CD40: variants seen among roughly 807,000 people sequenced by gnomAD.
The protein encoded by CD40 is tumor necrosis factor receptor superfamily member 5.
Under a neutral mutation model 38.5 loss-of-function variants are expected in CD40, and 19 were observed. The observed-to-expected ratio is 0.49, with a 90% confidence interval of 0.34 to 0.72. The LOEUF (loss-of-function observed/expected upper bound fraction) is 0.72. Among genes scored for constraint, CD40 ranks in the 30% least tolerant of loss-of-function variants. The pLI is 0.01. For missense variants in CD40, 256 were observed against 344.1 expected, an observed-to-expected ratio of 0.74 and a Z score of 2.03; for synonymous variants, 130 against 128.7, an observed-to-expected ratio of 1.01 and a Z score of -0.07.
In CD40 at chr20:46,118,331, G is replaced by C. The variant is rs200981957; in HGVS notation, c.-13G>C. On this transcript the variant is annotated 5_prime_UTR_variant, in exon 1 of 9. Transcript: ENST00000372285. ...GGGCGCCCAGTGGTCCTGCCGCCTG[G>C]TCTCACCTCGCTATGGTTCGTCTGC... 1.9e-6 allele frequency: 3 copies of C among 1,613,536 alleles called. No homozygotes were observed. The highest frequency in any genetic ancestry group is 2.5e-6 in the Non-Finnish European group (3 of 1,179,878).
At chr20:46,121,537 A>G (rs967907412) in intron 1 of CD40, among the ~76,000 whole-genome samples, 8 of 152,244 alleles carry the variant, frequency 5.3e-5, no homozygotes, top group African/African-American at 1.7e-4. Context: ...GGAATGACTC[A>G]GGCATCAAGC....
Position 46,122,443 on chromosome 20 carries a change from G to T in CD40, c.256+85G>T. Reference sequence around the variant, plus strand: ...GCCATTCTAATTTTATGTAGCCAGGGTCTGCTCTGATTGGTTGGAGTCCGG... The same window carrying T: ...GCCATTCTAATTTTATGTAGCCAGGTTCTGCTCTGATTGGTTGGAGTCCGG... On this transcript the variant is annotated intron_variant, in intron 3 of 8. Transcript: ENST00000372285. This position sits in a 1 kb window ranked among gnomAD's most constrained non-coding sequence, Gnocchi z 5.0. 6.3e-7 allele frequency: 1 copy of T among 1,599,026 alleles called. No homozygotes were observed. The highest frequency in any genetic ancestry group is 8.6e-7 in the Non-Finnish European group (1 of 1,168,146).
At chr20:46,123,921 A>C (rs573317322) in intron 5 of CD40, among the ~76,000 whole-genome samples, 1 of 152,350 alleles carries the variant, frequency 6.6e-6, no homozygotes, top group South Asian at 2.1e-4. Context: ...TCTTTCCTGC[A>C]TCGCATAGCT....
At chr20:46,119,968 A>T (rs1311228025) in intron 1 of CD40, among the ~76,000 whole-genome samples, 1 of 152,118 alleles carries the variant, frequency 6.6e-6, no homozygotes, top group Non-Finnish European at 1.5e-5. Flanking sequence ...GGTATCAAGG[A>T]CTTTCCTATC....
intron 1 of CD40, 75 bp downstream of exon 1, chr20:46,118,469 G>A (rs2085254793): frequency 1.0e-6 from 1 of 985,058 alleles, no homozygotes; most frequent in Non-Finnish European, 1.5e-6. Context: ...AGACTTCGGG[G>A]AAGAGGCCTT....
chr20:46,127,671 G>C (rs2145610980), intron 6 of CD40, among the ~76,000 whole-genome samples: 1 of 152,202 alleles, frequency 6.6e-6, no homozygotes, highest in South Asian at 2.1e-4. Context: ...AAAAAATTCG[G>C]CATGAGAAAT....
chr20:46,123,052 G>T (rs988071741), intron 4 of CD40, 74 bp from the exon 5 acceptor site: 9 of 1,173,710 alleles, frequency 7.7e-6, no homozygotes, highest in Non-Finnish European at 1.2e-5. Context: ...GTCCTGCCTG[G>T]CCACTGGCTG....
In CD40 at chr20:46,122,679, G is replaced by T; in HGVS notation, c.326G>T (p.Trp109Leu). The change falls in exon 4 of 9, where the codon TGG (tryptophan) becomes TTG (leucine). Residue 109 changes from tryptophan to leucine, a missense_variant. Transcript: ENST00000372285. The surrounding 1 kb of genome is among the most constrained non-coding windows in gnomAD (Gnocchi z 5.0). ...TDTICTCEEGWHCTSEACESC... is the reference protein window; with the variant it reads ...TDTICTCEEGLHCTSEACESC... ...ACCATCTGCACCTGTGAAGAAGGCT[G>T]GCACTGTACGAGTGAGGCCTGTGAG... 6.2e-7 allele frequency: 1 copy of T among 1,614,168 alleles called. No individual in the cohort carries two copies. Among genetic ancestry groups the T allele is most frequent in the Non-Finnish European group, 8.5e-7 (1 of 1,180,024 alleles).
chr20:46,121,947 G>T, intron 2 of CD40, 49 bp downstream of exon 2: 1 of 1,467,478 alleles, frequency 6.8e-7, no homozygotes, highest in Non-Finnish European at 9.6e-7. Flanking sequence ...CTTTGCTTTG[G>T]TGGCAGACGC....
At chr20:46,128,489 A>ATGACAGTCCCCAATT in intron 8 of CD40, 131 bp downstream of exon 8, 2 of 994,280 alleles carry the variant, frequency 2.0e-6, no homozygotes, top group Non-Finnish European at 3.1e-6. Flanking sequence ...AGAATTGGGG[A>ATGACAGTCCCCAATT]CTGTCATCCC....
chr20:46,118,551 G>C (rs568890970), intron 1 of CD40, among the ~76,000 whole-genome samples, 157 bp downstream of exon 1: 5 of 152,274 alleles, frequency 3.3e-5, no homozygotes, highest in African/African-American at 1.2e-4. Flanking sequence ...TGGCTGAATG[G>C]GGTGGGCTGC....
At chr20:46,128,272 T>A in intron 7 of CD40, 48 bp downstream of exon 7, 1 of 1,610,616 alleles carries the variant, frequency 6.2e-7, no homozygotes, top group Non-Finnish European at 8.5e-7. Flanking sequence ...GGAGACCACC[T>A]GTTTCTTATC....
At chr20:46,127,667 T>A (rs576583629) in intron 6 of CD40, among the ~76,000 whole-genome samples, 3 of 152,312 alleles carry the variant, frequency 2.0e-5, no homozygotes, top group Admixed American at 2.0e-4. Context: ...GAAAAAAAAA[T>A]TCGGCATGAG....
In CD40 at chr20:46,128,887, C is replaced by T. The variant is rs148342289; in HGVS notation, c.681C>T (p.Pro227=). The change falls in exon 9 of 9, where the codon CCC becomes CCT. Residue 227 remains proline (P), a synonymous_variant. Coordinates refer to ENST00000372285, the MANE Select transcript of CD40 (RefSeq NM_001250.6). The part of the protein sequence containing the change: ...KVAKKPTNKA[P]HPKQEPQEIN... ...CTCACACCTTGCCTCTCCAGGCCCCCCACCCCAAGCAGGAACCCCAGGAGA... is the reference window on the plus strand; with the variant it reads ...CTCACACCTTGCCTCTCCAGGCCCCTCACCCCAAGCAGGAACCCCAGGAGA... The T allele has an allele frequency of 1.2e-3, 1,890 of 1,614,060 alleles. 13 individuals carry two copies. The highest frequency in any genetic ancestry group is 3.6e-4 in the Non-Finnish European group (427 of 1,179,958).
At position 46,127,030 on chromosome 20, in the gene CD40, C is replaced by A. The variant is rs1023117469; in HGVS notation, c.559+329C>A. The A allele has an allele frequency of 1.7e-5, 7 of 402,776 alleles. No individual in the cohort carries two copies. In the East Asian group the frequency reaches 3.9e-4, roughly 22 times the overall value. 25.0% of individuals were successfully genotyped at this position (402,776 alleles called of 1,614,324 possible). A position where few individuals can be genotyped will look rare whatever the true frequency, so the allele number is the denominator to read the frequency against. On this transcript the variant is annotated intron_variant, in intron 6 of 8. Coordinates refer to ENST00000372285, the MANE Select transcript of CD40 (RefSeq NM_001250.6). ...AGAAAATTACATTCTCTTTACCTAA[C>A]GCTAAATGACCAGTTAATGGGTGCA...
At chr20:46,121,451 C>G (rs1270988419) in intron 1 of CD40, among the ~76,000 whole-genome samples, 1 of 152,124 alleles carries the variant, frequency 6.6e-6, no homozygotes, top group South Asian at 2.1e-4. Flanking sequence ...AGCACTGGGA[C>G]CAGCTGAAGT....
rs750234130 is a variant in CD40, at chr20:46,121,871, A to G, written c.103A>G (p.Ser35Gly). The G allele has an allele frequency of 1.9e-6, 3 of 1,614,042 alleles. No homozygotes were observed. The African/African-American group carries it at 4.0e-5, about 22-fold the overall frequency. Residue 35 changes from serine (S) to glycine (G), a missense_variant, in exon 2 of 9, where the codon AGT (serine) becomes GGT (glycine). Transcript: ENST00000372285. ...CAGAGAAAAACAGTACCTAATAAAC[A>G]GTCAGTGCTGTTCTTTGTGCCAGCC... ...ACREKQYLIN[S>G]QCCSLCQPGQ...
intron 5 of CD40, among the ~76,000 whole-genome samples, chr20:46,125,074 G>A (rs2085405737): frequency 6.6e-6 from 1 of 151,562 alleles, no homozygotes. Flanking sequence ...GCCACCAGTG[G>A]TATAGTATTA....
Position 46,129,112 on chromosome 20 carries a change from G to T in CD40, c.*72G>T, listed in dbSNP as rs752657781. On this transcript the variant is annotated 3_prime_UTR_variant, in exon 9 of 9. Coordinates refer to ENST00000372285, the MANE Select transcript of CD40 (RefSeq NM_001250.6). ...GGCCAGAGAGCCTGGTGCTGCTGCT[G>T]CTGTGGCGTGAGGGTGAGGGGCTGG... 1 of 1,555,348 alleles carries T rather than the reference G, an allele frequency of 6.4e-7. No homozygotes were observed. Among genetic ancestry groups the T allele is most frequent in the African/African-American group, 1.4e-5 (1 of 73,920 alleles).
Sources: allele counts gnomAD v4.1 joint callset (sites outside exome capture counted in the v4.1 genomes callset), GRCh38; gene constraint gnomAD v4.1.1; non-coding constraint Gnocchi (gnomAD v3.1); transcripts MANE v1.5; gene names NCBI Gene and HGNC (gene_info 2026-07-23, HGNC 2026-07-21).